Variants in DCC observed in about 807,000 individuals in gnomAD.
DCC encodes netrin receptor DCC.
A neutral mutation model predicts 172.5 loss-of-function variants in DCC; 58 were observed. The ratio of observed to expected loss-of-function variants is 0.34; its 90% confidence interval spans 0.27 to 0.42. The LOEUF is 0.42. DCC is among the 10% of genes least tolerant of loss of function. DCC has a pLI of 1.00. For missense variants in DCC, 1,740 were observed against 1,791.0 expected, an observed-to-expected ratio of 0.97 and a Z score of 0.51; for synonymous variants, 709 against 644.5, an observed-to-expected ratio of 1.10 and a Z score of -1.52.
chr18:52,544,004 C>T (rs769034762), intron 1 of DCC, among the ~76,000 whole-genome samples: 2 of 152,296 alleles, frequency 1.3e-5, no homozygotes, highest in South Asian at 2.1e-4. Context: ...ATTCAAAACT[C>T]ATGAACACTT....
chr18:53,063,987 G>A (rs1253216931), intron 6 of DCC, among the ~76,000 whole-genome samples: 1 of 152,170 alleles, frequency 6.6e-6, no homozygotes, highest in Non-Finnish European at 1.5e-5. Flanking sequence ...AATGAGGACA[G>A]TGGGTGCTGG....
At chr18:53,496,312 G>C (rs1021943820) in intron 26 of DCC, among the ~76,000 whole-genome samples, 11 of 152,216 alleles carry the variant, frequency 7.2e-5, no homozygotes, top group African/African-American at 2.2e-4. Flanking sequence ...AGGCAAACAT[G>C]GTCTGGAGTG....
intron 7 of DCC, among the ~76,000 whole-genome samples, chr18:53,085,232 AG>A (rs1392957211): frequency 6.6e-6 from 1 of 152,220 alleles, no homozygotes; most frequent in South Asian, 2.1e-4. Flanking sequence ...GTGAAGGCCA[AG>A]GGTTATAATA....
intron 5 of DCC, among the ~76,000 whole-genome samples, chr18:52,975,353 C>G (rs1156772535): frequency 6.6e-6 from 1 of 152,124 alleles, no homozygotes; most frequent in African/African-American, 2.4e-5. Flanking sequence ...AATTAGGACT[C>G]TACTCTTTTT....
intron 12 of DCC, among the ~76,000 whole-genome samples, chr18:53,235,790 C>T (rs1159678444): frequency 6.6e-6 from 1 of 152,108 alleles, no homozygotes; most frequent in Non-Finnish European, 1.5e-5. Context: ...TCCCCTCTTC[C>T]CTAAGAAACT....
At chr18:53,101,306 G>A (rs1426945047) in intron 7 of DCC, among the ~76,000 whole-genome samples, 1 of 152,008 alleles carries the variant, frequency 6.6e-6, no homozygotes, top group Non-Finnish European at 1.5e-5. Context: ...TGTTAAAGTT[G>A]TGATGTTAGC....
At chr18:52,475,218 C>A (rs988249137) in intron 1 of DCC, among the ~76,000 whole-genome samples, 2 of 152,086 alleles carry the variant, frequency 1.3e-5, no homozygotes, top group Non-Finnish European at 2.9e-5. Context: ...TTTTAAAGCC[C>A]TTTCTACTAA....
At chr18:53,226,424 TG>T (rs2056028564) in intron 12 of DCC, among the ~76,000 whole-genome samples, 1 of 152,090 alleles carries the variant, frequency 6.6e-6, no homozygotes, top group African/African-American at 2.4e-5. Flanking sequence ...TGAACCTACA[TG>T]GAAGATTCTG....
rs2039519874 is a variant in DCC at position 52,883,353 on chromosome 18, TGTG to T, written c.413-22690_413-22688del. 1.7e-4 allele frequency among the ~76,000 whole-genome samples: 5 copies of T among 30,198 alleles called. No homozygotes were observed. The Admixed American group carries it at 1.8e-3, about 11-fold the overall frequency. The allele number at this position is 30,198 out of a possible 152,430, so 19.8% of individuals were successfully genotyped here. ...TTATTTATTTATTTATTTATTTATGTGTGTGTGTGTGTGTGTGTGTGTGTGTGT... is the reference window on the plus strand; with the variant it reads ...TTATTTATTTATTTATTTATTTATGTTGTGTGTGTGTGTGTGTGTGTGTGT... On this transcript the variant is annotated intron_variant, in intron 2 of 28. Transcript: ENST00000442544.
intron 2 of DCC, among the ~76,000 whole-genome samples, chr18:52,779,414 C>T (rs2037491958): frequency 6.6e-6 from 1 of 152,142 alleles, no homozygotes; most frequent in Non-Finnish European, 1.5e-5. Flanking sequence ...GTTTGATTTC[C>T]TGTTCCTGTG....
intron 12 of DCC, among the ~76,000 whole-genome samples, chr18:53,262,447 C>A (rs1028312295): frequency 2.6e-5 from 4 of 152,128 alleles, no homozygotes; most frequent in Non-Finnish European, 5.9e-5. Context: ...CCTGGATCCT[C>A]CTGGCCAGAC....
intron 7 of DCC, among the ~76,000 whole-genome samples, chr18:53,122,840 C>T (rs1221626369): frequency 3.9e-5 from 6 of 152,034 alleles, no homozygotes; most frequent in Admixed American, 1.3e-4. Context: ...CAAGCATCAG[C>T]TCTTTCTGAC....
intron 2 of DCC, among the ~76,000 whole-genome samples, chr18:52,881,881 T>G (rs2039490738): frequency 6.6e-6 from 1 of 152,170 alleles, no homozygotes; most frequent in Non-Finnish European, 1.5e-5. Flanking sequence ...ATCTTTAGAT[T>G]GCTTTGAGTA....
At chr18:53,320,826 AAAGAT>A (rs748806170) in intron 13 of DCC, among the ~76,000 whole-genome samples, 1 of 152,222 alleles carries the variant, frequency 6.6e-6, no homozygotes, top group Non-Finnish European at 1.5e-5. Context: ...TATTAATAAC[AAAGAT>A]AAGAGCACCA....
chr18:52,669,364 T>C (rs1271395330), intron 1 of DCC, among the ~76,000 whole-genome samples: 3 of 152,220 alleles, frequency 2.0e-5, no homozygotes, highest in Non-Finnish European at 4.4e-5. Context: ...GTGGCTAATT[T>C]GTTATTCCTA....
At chr18:53,094,207 A>C (rs928932705) in intron 7 of DCC, among the ~76,000 whole-genome samples, 5 of 152,188 alleles carry the variant, frequency 3.3e-5, no homozygotes, top group African/African-American at 1.2e-4. Context: ...TGATGAAAAC[A>C]GATTGGTTTT....
chr18:52,571,594 G>A (rs571008213), intron 1 of DCC, among the ~76,000 whole-genome samples: 24 of 152,244 alleles, frequency 1.6e-4, no homozygotes, highest in African/African-American at 5.8e-4. Context: ...GTGTCCATGA[G>A]CCCTGACTCT....
chr18:53,135,478 A>T (rs1479013222), intron 7 of DCC, among the ~76,000 whole-genome samples: 1 of 152,190 alleles, frequency 6.6e-6, no homozygotes, highest in Non-Finnish European at 1.5e-5. Flanking sequence ...TCCTTATCCC[A>T]CATCTGAATA....
intron 2 of DCC, among the ~76,000 whole-genome samples, chr18:52,904,932 T>A (rs1389152593): frequency 2.6e-5 from 4 of 152,232 alleles, no homozygotes; most frequent in Non-Finnish European, 5.9e-5. Flanking sequence ...GCACAATTGA[T>A]ACCAATAGAT....
Sources: allele counts gnomAD v4.1 joint callset (sites outside exome capture counted in the v4.1 genomes callset), GRCh38; gene constraint gnomAD v4.1.1; transcripts MANE v1.5; gene names NCBI Gene and HGNC (gene_info 2026-07-23, HGNC 2026-07-21).